WIZ: variants seen among roughly 807,000 people sequenced by gnomAD.
WIZ encodes WIZ zinc finger.
A neutral mutation model predicts 140.2 loss-of-function variants in WIZ; 25 were observed. The ratio of observed to expected loss-of-function variants is 0.18; its 90% confidence interval spans 0.13 to 0.25. The LOEUF (loss-of-function observed/expected upper bound fraction) is 0.25. Among genes scored for constraint, WIZ ranks in the 10% least tolerant of loss-of-function variants. WIZ has a pLI of 1.00. For synonymous variants in WIZ, 1,125 were observed against 1,154.3 expected (o/e 0.97, Z 0.51); for missense variants, 2,231 against 2,632.6 (o/e 0.85, Z 3.34).
Position 15,440,647 on chromosome 19 carries a change from G to A in WIZ, c.347C>T (p.Pro116Leu), listed in dbSNP as rs2145374368. ...SPPPHLLGHF[P>L]GTPDGRGPWE... Reference sequence around the variant, plus strand: ...GGGCCCCCGGCCATCAGGGGTACCTGGGAAATGGCCCAGGAGATGGGGTGG... The same window carrying A: ...GGGCCCCCGGCCATCAGGGGTACCTAGGAAATGGCCCAGGAGATGGGGTGG... The change falls in exon 4 of 13, where the codon CCA (proline) becomes CTA (leucine). Residue 116 changes from proline to leucine, a missense_variant. Coordinates refer to ENST00000673675, the MANE Select transcript of WIZ (RefSeq NM_001371589.1). This position sits in a 1 kb window ranked among gnomAD's most constrained non-coding sequence, Gnocchi z 6.2. The A allele has an allele frequency of 1.3e-6, 2 of 1,529,330 alleles. No individual in the cohort carries two copies. Among genetic ancestry groups the A allele is most frequent in the African/African-American group, 1.4e-5 (1 of 72,952 alleles). The allele number at this position is 1,529,330 out of a possible 1,614,324, so 94.7% of individuals were successfully genotyped here. A position where few individuals can be genotyped will look rare whatever the true frequency, so the allele number is the denominator to read the frequency against.
chr19:15,445,738 G>C (rs949349681), intron 2 of WIZ, among the ~76,000 whole-genome samples: 3 of 152,202 alleles, frequency 2.0e-5, no homozygotes, highest in Non-Finnish European at 2.9e-5. Flanking sequence ...AACCAGAGAG[G>C]CAGGAGCTGC....
chr19:15,443,300 G>C (rs1032733834), intron 2 of WIZ, among the ~76,000 whole-genome samples: 10 of 152,174 alleles, frequency 6.6e-5, no homozygotes, highest in African/African-American at 2.4e-4. Context: ...TCAAACTCTT[G>C]ACCTCAAGCG....
chr19:15,432,604 G>GCCCCCGCGGGCGCGCGCTCCCGGGCGC (rs1368084724), intron 5 of WIZ: 1 of 236,500 alleles, frequency 4.2e-6, no homozygotes. Flanking sequence ...GGGCGGGGGC[G>GCCCCCGCGGGCGCGCGCTCCCGGGCGC]CCCCCGCGGG....
rs1968320880 is a variant in WIZ at position 15,420,272 on chromosome 19, G to C, written c.*2804C>G. On this transcript the variant is annotated 3_prime_UTR_variant, in exon 13 of 13. Coordinates refer to ENST00000673675, the MANE Select transcript of WIZ (RefSeq NM_001371589.1). ...CTTTTGTATAGTTGGAATTCTCCAT[G>C]ATAAACTGTTTTAATAAAACTCCCC... 6.6e-6 allele frequency: 1 copy of C among 152,218 alleles called. No homozygotes were observed. Among genetic ancestry groups the C allele is most frequent in the African/African-American group, 2.4e-5 (1 of 41,432 alleles). The allele number at this position is 152,218 out of a possible 1,614,324, so 9.4% of individuals were successfully genotyped here.
chr19:15,425,352 G>T lies in WIZ; in HGVS notation c.4783C>A (p.Arg1595=), dbSNP rs777812836. ...AGGAGGCGGTCCTCCTGCAGGGGCC[G>T]CTTGGCTGCCACTGAGCCCAGGTAG... ...TGYLGSVAAK[R]PLQEDRLLPA... Residue 1595 remains arginine, a synonymous_variant, in exon 10 of 13, where the codon CGG becomes AGG. Coordinates refer to ENST00000673675, the MANE Select transcript of WIZ (RefSeq NM_001371589.1). 1 of 1,558,616 alleles carries T rather than the reference G, an allele frequency of 6.4e-7. No individual in the cohort carries two copies. The highest frequency in any genetic ancestry group is 2.4e-5 in the East Asian group (1 of 41,506).
At chr19:15,447,739 G>C (rs1372083702) in intron 2 of WIZ, among the ~76,000 whole-genome samples, 1 of 152,196 alleles carries the variant, frequency 6.6e-6, no homozygotes, top group Non-Finnish European at 1.5e-5. Flanking sequence ...AGAGGGAGCT[G>C]GGATAGACTG....
In WIZ at chr19:15,427,619, G is replaced by A. The variant is rs1025817996; in HGVS notation, c.3815-86C>T. On this transcript the variant is annotated intron_variant, in intron 8 of 12. Coordinates refer to ENST00000673675, the MANE Select transcript of WIZ (RefSeq NM_001371589.1). This position sits in a 1 kb window ranked among gnomAD's most constrained non-coding sequence, Gnocchi z 6.4. The stretch of plus-strand genomic sequence containing the variant: ...GGAGTGTCCTGGTCGGCTGGGCGTG[G>A]GCGGCAGCAGCACGCCCACAGGTTA... The A allele has an allele frequency of 9.1e-6, 13 of 1,425,100 alleles. No individual in the cohort carries two copies. Among genetic ancestry groups the A allele is most frequent in the Non-Finnish European group, 1.1e-5 (12 of 1,066,914 alleles). 88.3% of individuals were successfully genotyped at this position (1,425,100 alleles called of 1,614,324 possible).
At chr19:15,434,420 G>A (rs1174349347) in intron 5 of WIZ, among the ~76,000 whole-genome samples, 4 of 151,402 alleles carry the variant, frequency 2.6e-5, no homozygotes, top group Non-Finnish European at 5.9e-5. Flanking sequence ...AAAATTAGCC[G>A]GGCGTGGTGG....
chr19:15,425,522 G>A lies in WIZ; in HGVS notation c.4613C>T (p.Pro1538Leu), dbSNP rs1968698716. Reference protein sequence around the residue: ...LAPALAEDGPPTVAPGPVQSP... With the variant: ...LAPALAEDGPLTVAPGPVQSP... Reference sequence around the variant, plus strand: ...CTGCACGGGCCCAGGGGCCACGGTGGGAGGCCCGTCCTCAGCCAGGGCAGG... The same window carrying A: ...CTGCACGGGCCCAGGGGCCACGGTGAGAGGCCCGTCCTCAGCCAGGGCAGG... Residue 1538 changes from proline (P) to leucine (L), a missense_variant, in exon 10 of 13, where the codon CCC (proline) becomes CTC (leucine). Around this residue, in one of 15 missense-constraint regions of WIZ, gnomAD observed 393 missense variants for 451.7 expected, o/e 0.87. Transcript: ENST00000673675. 6.2e-7 allele frequency: 1 copy of A among 1,611,280 alleles called. No individual in the cohort carries two copies. Among genetic ancestry groups the A allele is most frequent in the East Asian group, 2.2e-5 (1 of 44,760 alleles).
rs768885497 is a variant in WIZ, at chr19:15,440,452, C to T, written c.542G>A (p.Arg181His). 1.6e-5 allele frequency: 25 copies of T among 1,535,954 alleles called. No homozygotes were observed. The East Asian group carries it at 2.0e-4, about 12-fold the overall frequency. Residue 181 changes from arginine to histidine, a missense_variant, in exon 4 of 13, where the codon CGC (arginine) becomes CAC (histidine). By Grantham distance (29) the Arg-to-His change is conservative. Transcript: ENST00000673675. The surrounding 1 kb of genome is among the most constrained non-coding windows in gnomAD (Gnocchi z 6.2). The stretch of plus-strand genomic sequence containing the variant: ...ATCTTGGAGCCAGTCGAACCTGGGG[C>T]GGCCCTGGGCATGTTTCTCCAAAAG... ...PRLLEKHAQGRPRFDWLQDED... is the reference protein window; with the variant it reads ...PRLLEKHAQGHPRFDWLQDED...
chr19:15,442,563 G>T lies in WIZ; in HGVS notation c.278+113C>A. On this transcript the variant is annotated intron_variant, in intron 3 of 12. Transcript: ENST00000673675. The surrounding 1 kb of genome is among the most constrained non-coding windows in gnomAD (Gnocchi z 5.5). ...GGGAGCTGACTCCTCCTCCTGCCTGGCCTCCTGATTCCCTCCTGTCCCCTT... is the reference window on the plus strand; with the variant it reads ...GGGAGCTGACTCCTCCTCCTGCCTGTCCTCCTGATTCCCTCCTGTCCCCTT... The T allele has an allele frequency of 1.2e-6, 1 of 830,220 alleles. No homozygotes were observed. The highest frequency in any genetic ancestry group is 1.6e-6 in the Non-Finnish European group (1 of 621,202). The allele number at this position is 830,220 out of a possible 1,614,324, so 51.4% of individuals were successfully genotyped here.
At chr19:15,449,680 G>GCCCCGC (rs1229443241) in intron 1 of WIZ, 118 bp downstream of exon 1, 13 of 141,334 alleles carry the variant, frequency 9.2e-5, no homozygotes, top group African/African-American at 3.4e-4. Flanking sequence ...GCCCCTGAAG[G>GCCCCGC]CCCCGCCCCC....
Position 15,440,256 on chromosome 19 carries a change from C to A in WIZ, c.738G>T (p.Leu246=). The A allele has an allele frequency of 6.7e-7, 1 of 1,491,320 alleles. No homozygotes were observed. The highest frequency in any genetic ancestry group is 8.9e-7 in the Non-Finnish European group (1 of 1,124,714). 92.4% of individuals were successfully genotyped at this position (1,491,320 alleles called of 1,614,324 possible). ...GTAGGCCCCACTCGGACGGCTGGGC[C>A]AGCCCCTCCAGGTCCTCCAGATCTT... is the stretch of plus-strand genomic sequence containing the variant. The part of the protein sequence containing the change: ...GREDLEDLEG[L]AQPSEWGLPT... The change falls in exon 4 of 13, where the codon CTG becomes CTT. Residue 246 remains leucine (L), a synonymous_variant. Transcript: ENST00000673675. This position sits in a 1 kb window ranked among gnomAD's most constrained non-coding sequence, Gnocchi z 6.2.
At chr19:15,433,378 T>A (rs1285716736) in intron 5 of WIZ, 1 of 984,366 alleles carries the variant, frequency 1.0e-6, no homozygotes, top group Non-Finnish European at 1.2e-6. Context: ...ACCCGCCCCC[T>A]CCTGCCCACT....
intron 1 of WIZ, 171 bp downstream of exon 1, chr19:15,449,627 G>T (rs892804945): frequency 1.2e-5 from 1 of 83,500 alleles, no homozygotes; most frequent in African/African-American, 4.6e-5. Context: ...CAAGACCCCC[G>T]CCCCTCCCCC....
At position 15,426,594 on chromosome 19, in the gene WIZ, C is replaced by G. The variant is rs12460653; in HGVS notation, c.4366+388G>C. On this transcript the variant is annotated intron_variant, in intron 9 of 12. Coordinates refer to ENST00000673675, the MANE Select transcript of WIZ (RefSeq NM_001371589.1). ...ACTCCCAATGTCAAGCACTTAATTA[C>G]CAAAAATGTCAGAAAGACACAGTTC... Among the ~76,000 whole-genome samples, 370 of 152,310 alleles carry G rather than the reference C, an allele frequency of 2.4e-3. 7 individuals are homozygous for G. Among genetic ancestry groups the G allele is most frequent in the Admixed American group, 0.021 (316 of 15,304 alleles).
Position 15,428,224 on chromosome 19 carries a change from C to T in WIZ, c.3700G>A (p.Ala1234Thr). The T allele has an allele frequency of 6.5e-7, 1 of 1,532,424 alleles. No individual in the cohort carries two copies. The highest frequency in any genetic ancestry group is 8.7e-7 in the Non-Finnish European group (1 of 1,145,820). The allele number at this position is 1,532,424 out of a possible 1,614,324, so 94.9% of individuals were successfully genotyped here. Reference protein sequence around the residue: ...LLPPPPPAKKAKLKAAGMASP... With the variant: ...LLPPPPPAKKTKLKAAGMASP... Reference sequence around the variant, plus strand: ...GCCATACCCGCGGCCTTCAGCTTGGCCTTCTTGGCCGGCGGTGGGGGGGGA... The same window carrying T: ...GCCATACCCGCGGCCTTCAGCTTGGTCTTCTTGGCCGGCGGTGGGGGGGGA... The change falls in exon 8 of 13, where the codon GCC becomes ACC. Residue 1234 changes from alanine (A) to threonine (T), a missense_variant. Ala to Thr is a moderately conservative substitution (Grantham distance 58, BLOSUM62 0). Coordinates refer to ENST00000673675, the MANE Select transcript of WIZ (RefSeq NM_001371589.1). The surrounding 1 kb of genome is among the most constrained non-coding windows in gnomAD (Gnocchi z 6.4).
chr19:15,448,373 G>A lies in WIZ; in HGVS notation c.-60-6C>T, dbSNP rs1969993004. 3.8e-6 allele frequency: 6 copies of A among 1,584,324 alleles called. No homozygotes were observed. The East Asian group carries it at 6.7e-5, about 18-fold the overall frequency. ...CTCAGCGGGGCATTGTGGGCCTGGG[G>A]ATAGAGAGAAGGAAGTGCTTAGGGG... On this transcript the variant is annotated splice_region_variant and splice_polypyrimidine_tract_variant and intron_variant, in intron 1 of 12. Transcript: ENST00000673675.
In WIZ at chr19:15,440,291, C is replaced by G. The variant is rs997094018; in HGVS notation, c.703G>C (p.Gly235Arg). 1 of 1,495,406 alleles carries G rather than the reference C, an allele frequency of 6.7e-7. No individual in the cohort carries two copies. Among genetic ancestry groups the G allele is most frequent in the South Asian group, 1.3e-5 (1 of 78,146 alleles). 92.6% of individuals were successfully genotyped at this position (1,495,406 alleles called of 1,614,324 possible). A position where few individuals can be genotyped will look rare whatever the true frequency, so the allele number is the denominator to read the frequency against. The part of the protein sequence containing the change: ...TPKTLDMAVV[G>R]GREDLEDLEG... ...AGGTCCTCCAGATCTTCTCTGCCAC[C>G]CACCACCGCCATGTCCAGCGTCTTC... The change falls in exon 4 of 13, where the codon GGT (glycine) becomes CGT (arginine). Residue 235 changes from glycine (G) to arginine (R), a missense_variant. Physicochemically the swap from Gly to Arg is moderately radical, Grantham distance 125 (BLOSUM62 -2). Around this residue, in one of 15 missense-constraint regions of WIZ, gnomAD observed 307 missense variants for 294.1 expected, o/e 1.04. Coordinates refer to ENST00000673675, the MANE Select transcript of WIZ (RefSeq NM_001371589.1). This position sits in a 1 kb window ranked among gnomAD's most constrained non-coding sequence, Gnocchi z 6.2.
Sources: allele counts gnomAD v4.1 joint callset (sites outside exome capture counted in the v4.1 genomes callset), GRCh38; gene constraint gnomAD v4.1.1; regional missense constraint gnomAD v4.1.1; non-coding constraint Gnocchi (gnomAD v3.1); transcripts MANE v1.5; gene names NCBI Gene and HGNC (gene_info 2026-07-23, HGNC 2026-07-21).